The following NFATC2 variants were observed in gnomAD, a reference collection of about 807,000 sequenced individuals.
NFATC2 encodes nuclear factor of activated T cells 2.
NFATC2 carries 22 observed loss-of-function variants against 87.3 expected under a neutral mutation model. That is an observed-to-expected ratio of 0.25 (90% CI 0.18 to 0.36). The LOEUF (loss-of-function observed/expected upper bound fraction) is 0.36. NFATC2 is among the 10% of genes least tolerant of loss of function. The pLI is 1.00. For missense variants in NFATC2, 1,149 were observed against 1,259.1 expected, an observed-to-expected ratio of 0.91 and a Z score of 1.32; for synonymous variants, 565 against 542.2, an observed-to-expected ratio of 1.04 and a Z score of -0.58.
intron 3 of NFATC2, among the ~76,000 whole-genome samples, chr20:51,515,685 TAA>T (rs11481096): frequency 4.8e-5 from 7 of 144,400 alleles, no homozygotes; most frequent in Admixed American, 2.1e-4. Context: ...GTGTCTGATT[TAA>T]AAAAAAAAAA....
At chr20:51,437,228 G>C (rs1983721193) in intron 6 of NFATC2, among the ~76,000 whole-genome samples, 1 of 152,152 alleles carries the variant, frequency 6.6e-6, no homozygotes, top group African/African-American at 2.4e-5. Flanking sequence ...AGTATTTCCA[G>C]GGTGTTTTGT....
chr20:51,533,036 C>T (rs576025116), intron 1 of NFATC2, among the ~76,000 whole-genome samples: 1 of 152,342 alleles, frequency 6.6e-6, no homozygotes, highest in African/African-American at 2.4e-5. Context: ...AGTCCCAGGG[C>T]CTGGGTTTGG....
chr20:51,406,052 C>G (rs893314562), intron 9 of NFATC2, among the ~76,000 whole-genome samples: 1 of 152,210 alleles, frequency 6.6e-6, no homozygotes. Flanking sequence ...GCTGGGATGA[C>G]AGGTGTGAGC....
intron 6 of NFATC2, among the ~76,000 whole-genome samples, chr20:51,439,961 G>A (rs1984091091): frequency 1.3e-5 from 2 of 152,360 alleles, no homozygotes; most frequent in Admixed American, 1.3e-4. Flanking sequence ...TCAGGGCCGG[G>A]CAAAGTGGCT....
At chr20:51,517,665 C>T (rs1282253258) in intron 2 of NFATC2, among the ~76,000 whole-genome samples, 1 of 151,814 alleles carries the variant, frequency 6.6e-6, no homozygotes, top group Non-Finnish European at 1.5e-5. Context: ...GCCTGTAATC[C>T]CAACACTATG....
At chr20:51,461,548 C>T (rs1057117270) in intron 5 of NFATC2, among the ~76,000 whole-genome samples, 3 of 152,198 alleles carry the variant, frequency 2.0e-5, no homozygotes, top group Non-Finnish European at 2.9e-5. Flanking sequence ...ATCAACAGGA[C>T]GCTGTTGGTT....
At position 51,516,940 on chromosome 20, in the gene NFATC2, T is replaced by C. The variant is rs2076360771; in HGVS notation, c.1176A>G (p.Ala392=). 27 of 1,611,626 alleles carry C rather than the reference T, an allele frequency of 1.7e-5. No homozygotes were observed. The highest frequency in any genetic ancestry group is 2.2e-5 in the Non-Finnish European group (26 of 1,179,076). The part of the protein sequence containing the change: ...AIPICSIPVT[A]SLPPLEWPLS... ...GCGGCCACTCAAGTGGAGGGAGGGA[T>C]GCAGTCACTGGGATGCTAAAGGAGA... Residue 392 remains alanine, a synonymous_variant, in exon 3 of 11, where the codon GCA becomes GCG. Transcript: ENST00000371564.
At chr20:51,534,380 G>C (rs757650109) in intron 1 of NFATC2, among the ~76,000 whole-genome samples, 4 of 152,216 alleles carry the variant, frequency 2.6e-5, no homozygotes, top group Non-Finnish European at 5.9e-5. Flanking sequence ...TGTAGCACAG[G>C]CTACAGTGCA....
intron 1 of NFATC2, among the ~76,000 whole-genome samples, chr20:51,558,451 T>C (rs757765363): frequency 5.3e-5 from 8 of 151,966 alleles, no homozygotes; most frequent in Non-Finnish European, 1.0e-4. Flanking sequence ...CATGAGAAAG[T>C]ATTTAGTAAT....
chr20:51,449,020 C>T (rs1300484986), intron 6 of NFATC2, among the ~76,000 whole-genome samples: 1 of 152,168 alleles, frequency 6.6e-6, no homozygotes, highest in Non-Finnish European at 1.5e-5. Context: ...GGAGTGGAAA[C>T]TGCCAATTCC....
At chr20:51,414,470 C>A (rs995865187) in intron 9 of NFATC2, among the ~76,000 whole-genome samples, 4 of 152,000 alleles carry the variant, frequency 2.6e-5, no homozygotes, top group South Asian at 2.1e-4. Context: ...GGGCGGATCA[C>A]CTGAGGTCAG....
At chr20:51,504,002 T>A (rs6096450) in intron 3 of NFATC2, among the ~76,000 whole-genome samples, 11,806 of 146,786 alleles carry the variant, frequency 0.08, 1,249 homozygotes, top group African/African-American at 0.25. Context: ...CACCACCACA[T>A]CCAGCTAATT....
At chr20:51,450,873 T>C (rs758777071) in intron 6 of NFATC2, among the ~76,000 whole-genome samples, 7 of 152,224 alleles carry the variant, frequency 4.6e-5, no homozygotes, top group South Asian at 4.1e-4. Flanking sequence ...GAGGTAAATA[T>C]GAAATTTCTT....
chr20:51,503,098 C>G (rs999111966), intron 3 of NFATC2, among the ~76,000 whole-genome samples: 19 of 152,262 alleles, frequency 1.2e-4, no homozygotes, highest in African/African-American at 4.6e-4. Context: ...AGCACAAACA[C>G]AGACTATCTC....
upstream of NFATC2, among the ~76,000 whole-genome samples, chr20:51,544,570 G>A (rs1335840451): frequency 6.6e-6 from 1 of 152,184 alleles, no homozygotes; most frequent in African/African-American, 2.4e-5. Context: ...CCATCAACAA[G>A]CCACAGCCTC....
Position 51,401,990 on chromosome 20 carries a change from G to A in NFATC2, c.2723-3260C>T, listed in dbSNP as rs116989756. On this transcript the variant is annotated intron_variant, in intron 9 of 10. Transcript: ENST00000371564. Reference sequence around the variant, plus strand: ...GGATGGAATTTAAGGGAAACCCTGCGTGCATCTCCGTGGTGGAACCAATGG... The same window carrying A: ...GGATGGAATTTAAGGGAAACCCTGCATGCATCTCCGTGGTGGAACCAATGG... Among the ~76,000 whole-genome samples the A allele has an allele frequency of 2.9e-3, 442 of 152,308 alleles. 9 individuals are homozygous for A. In the East Asian group the frequency reaches 0.05, roughly 17 times the overall value.
At chr20:51,401,122 A>G (rs1987988084) in intron 9 of NFATC2, among the ~76,000 whole-genome samples, 1 of 152,144 alleles carries the variant, frequency 6.6e-6, no homozygotes, top group Non-Finnish European at 1.5e-5. Context: ...GTAATCCCAG[A>G]ACGTTGGGAG....
intron 1 of NFATC2, among the ~76,000 whole-genome samples, chr20:51,551,878 T>C (rs2076936891): frequency 6.6e-6 from 1 of 151,216 alleles, no homozygotes; most frequent in African/African-American, 2.4e-5. Flanking sequence ...ATACAAAAAG[T>C]TAGCCGGGTG....
Position 51,542,431 on chromosome 20 carries a change from G to A in NFATC2, c.69C>T (p.Ser23=). The A allele has an allele frequency of 1.2e-6, 2 of 1,601,016 alleles. No homozygotes were observed. The highest frequency in any genetic ancestry group is 1.7e-6 in the Non-Finnish European group (2 of 1,174,374). ...TGGAGAAGTCAAGCTCGTCTTGGGGGCTGCCCCCAGGCTCGTGGCCTGGGG... is the reference window on the plus strand; with the variant it reads ...TGGAGAAGTCAAGCTCGTCTTGGGGACTGCCCCCAGGCTCGTGGCCTGGGG... ...GDAPGHEPGG[S]PQDELDFSIL... is the part of the protein sequence containing the mutation. Residue 23 remains serine (S), a synonymous_variant, in exon 1 of 11, where the codon AGC becomes AGT. Transcript: ENST00000371564.
Sources: allele counts gnomAD v4.1 joint callset (sites outside exome capture counted in the v4.1 genomes callset), GRCh38; gene constraint gnomAD v4.1.1; transcripts MANE v1.5; gene names NCBI Gene and HGNC (gene_info 2026-07-23, HGNC 2026-07-21).